Variants in DGKB observed in about 807,000 individuals in gnomAD.
DGKB encodes 90 kDa diacylglycerol kinase.
A neutral mutation model predicts 114.3 loss-of-function variants in DGKB; 67 were observed. That is an observed-to-expected ratio of 0.59 (90% CI 0.48 to 0.72). The LOEUF (loss-of-function observed/expected upper bound fraction) is 0.72. DGKB is among the 30% of genes least tolerant of loss of function. The pLI is 0.00. For missense variants in DGKB, 907 were observed against 975.2 expected (o/e 0.93, Z 0.93); for synonymous variants, 398 against 323.1 (o/e 1.23, Z -2.49).
At chr7:14,729,787 C>A (rs546860125) in intron 5 of DGKB, among the ~76,000 whole-genome samples, 19 of 152,236 alleles carry the variant, frequency 1.2e-4, no homozygotes, top group African/African-American at 4.3e-4. Context: ...TATAACTGAA[C>A]ACATAATTGT....
In DGKB at chr7:14,387,162, G is replaced by A. The variant is rs531209362; in HGVS notation, c.1836-41771C>T. Among the ~76,000 whole-genome samples, 723 of 151,642 alleles carry A rather than the reference G, an allele frequency of 4.8e-3. 6 individuals carry two copies. Among genetic ancestry groups the A allele is most frequent in the African/African-American group, 0.017 (695 of 41,384 alleles). On this transcript the variant is annotated intron_variant, in intron 21 of 25. Coordinates refer to ENST00000402815, the MANE Select transcript of DGKB (RefSeq NM_001350709.2). The stretch of plus-strand genomic sequence containing the variant: ...GTCTTGGCTGGGCGCGGTGGCTCAC[G>A]CCTGTAATCCCAGCACTTTGGGAGG...
chr7:14,800,995 C>A (rs1327592807), intron 2 of DGKB, among the ~76,000 whole-genome samples: 2 of 152,082 alleles, frequency 1.3e-5, no homozygotes, highest in African/African-American at 4.8e-5. Context: ...CACCTAAAAC[C>A]ATGTGATCAG....
chr7:14,900,526 G>A (rs756085527), intron 1 of DGKB, among the ~76,000 whole-genome samples: 4 of 151,952 alleles, frequency 2.6e-5, no homozygotes, highest in Non-Finnish European at 5.9e-5. Context: ...ATTAGATTTC[G>A]CGATCAGCAG....
chr7:14,536,453 A>T (rs1792514262), intron 20 of DGKB, among the ~76,000 whole-genome samples: 1 of 152,196 alleles, frequency 6.6e-6, no homozygotes, highest in African/African-American at 2.4e-5. Flanking sequence ...ATATTAAAAC[A>T]ATTTTGTACC....
intron 2 of DGKB, among the ~76,000 whole-genome samples, chr7:14,817,925 A>G (rs1844389627): frequency 7.8e-6 from 1 of 129,026 alleles, no homozygotes; most frequent in Non-Finnish European, 1.6e-5. Flanking sequence ...GCAAGAATCA[A>G]TTCTGGTGAC....
intron 1 of DGKB, among the ~76,000 whole-genome samples, chr7:14,894,306 G>T (rs1025668707): frequency 6.6e-6 from 1 of 151,194 alleles, no homozygotes; most frequent in Non-Finnish European, 1.5e-5. Flanking sequence ...TCTTAACATA[G>T]TTTGAATTTT....
chr7:14,319,032 CAAGAACAA>C (rs1807201508), intron 23 of DGKB, among the ~76,000 whole-genome samples: 1 of 150,538 alleles, frequency 6.6e-6, no homozygotes, highest in African/African-American at 2.4e-5. Flanking sequence ...TAAACTGTCG[CAAGAACAA>C]AAAACCAAAC....
intron 2 of DGKB, among the ~76,000 whole-genome samples, chr7:14,836,678 T>C (rs1315741652): frequency 2.6e-5 from 4 of 152,118 alleles, no homozygotes; most frequent in Non-Finnish European, 5.9e-5. Context: ...AAAATTATAC[T>C]CCTCTCCCAC....
At chr7:14,491,549 C>T (rs1432191932) in intron 20 of DGKB, among the ~76,000 whole-genome samples, 1 of 152,050 alleles carries the variant, frequency 6.6e-6, no homozygotes, top group Non-Finnish European at 1.5e-5. Flanking sequence ...ACCACTTCTG[C>T]TTTTCTCTAA....
intron 21 of DGKB, among the ~76,000 whole-genome samples, chr7:14,467,328 G>A (rs2128880197): frequency 6.6e-6 from 1 of 150,842 alleles, no homozygotes; most frequent in East Asian, 1.9e-4. Context: ...GTTAATGCAT[G>A]TGTGAAATAT....
At chr7:14,636,303 G>C (rs1370433275) in intron 13 of DGKB, among the ~76,000 whole-genome samples, 1 of 151,656 alleles carries the variant, frequency 6.6e-6, no homozygotes, top group Non-Finnish European at 1.5e-5. Context: ...TTACCCACAG[G>C]ATATCAGAAT....
chr7:14,672,634 T>C (rs1044483620), intron 13 of DGKB, among the ~76,000 whole-genome samples: 1 of 152,024 alleles, frequency 6.6e-6, no homozygotes, highest in Non-Finnish European at 1.5e-5. Context: ...CTATAAAATA[T>C]ATAAAATGTT....
chr7:14,563,852 C>T (rs1021181607), intron 20 of DGKB, among the ~76,000 whole-genome samples: 5 of 152,108 alleles, frequency 3.3e-5, no homozygotes, highest in African/African-American at 1.2e-4. Flanking sequence ...GGGGTCTTCA[C>T]CAAGTTTTCC....
At chr7:14,416,159 T>C (rs1178018567) in intron 21 of DGKB, among the ~76,000 whole-genome samples, 1 of 152,152 alleles carries the variant, frequency 6.6e-6, no homozygotes, top group African/African-American at 2.4e-5. Flanking sequence ...TCATTGTAGA[T>C]TCTGGATATT....
chr7:14,471,687 T>G (rs1430608475), intron 21 of DGKB, among the ~76,000 whole-genome samples: 1 of 152,054 alleles, frequency 6.6e-6, no homozygotes, highest in Admixed American at 6.6e-5. Flanking sequence ...ATAATAGTTA[T>G]GTAGAATGAA....
chr7:14,353,048 G>A (rs1390689146), intron 21 of DGKB, among the ~76,000 whole-genome samples: 2 of 152,036 alleles, frequency 1.3e-5, no homozygotes, highest in Admixed American at 6.6e-5. Context: ...CTGTTGTTAC[G>A]GATCATAGCA....
intron 23 of DGKB, among the ~76,000 whole-genome samples, chr7:14,271,522 T>G (rs1210696462): frequency 6.6e-6 from 1 of 152,208 alleles, no homozygotes; most frequent in Non-Finnish European, 1.5e-5. Flanking sequence ...CAAAGCCTCC[T>G]GATTCTGTTC....
intron 23 of DGKB, among the ~76,000 whole-genome samples, chr7:14,230,543 A>G (rs946662991): frequency 6.6e-6 from 1 of 152,082 alleles, no homozygotes; most frequent in African/African-American, 2.4e-5. Flanking sequence ...ATGCCATCAA[A>G]TAAGATAGAG....
intron 21 of DGKB, among the ~76,000 whole-genome samples, chr7:14,361,016 C>T (rs977055708): frequency 1.3e-5 from 2 of 151,936 alleles, no homozygotes; most frequent in Non-Finnish European, 2.9e-5. Context: ...TCTCTAGTTC[C>T]TTCACACATT....
Sources: allele counts gnomAD v4.1 joint callset (sites outside exome capture counted in the v4.1 genomes callset), GRCh38; gene constraint gnomAD v4.1.1; transcripts MANE v1.5; gene names NCBI Gene and HGNC (gene_info 2026-07-23, HGNC 2026-07-21).